Variants in TMEM132D observed in about 807,000 individuals in gnomAD.
TMEM132D encodes the protein mature OL transmembrane protein.
In TMEM132D, 21 loss-of-function variants were observed where a neutral mutation model predicts 62.3. The ratio of observed to expected loss-of-function variants is 0.34; its 90% CI spans 0.24 to 0.49. The LOEUF (loss-of-function observed/expected upper bound fraction) is 0.49. Ranked by LOEUF, TMEM132D falls within the 20% of genes least tolerant of loss-of-function variation. The pLI is 0.99. For synonymous variants in TMEM132D, 621 were observed against 575.6 expected (o/e 1.08, Z -1.13); for missense variants, 1,346 against 1,402.8 (o/e 0.96, Z 0.65).
intron 2 of TMEM132D, among the ~76,000 whole-genome samples, chr12:129,583,993 T>C (rs1877948907): frequency 6.6e-6 from 1 of 152,238 alleles, no homozygotes; most frequent in Non-Finnish European, 1.5e-5. Context: ...TTTTGTTCAA[T>C]AGGAAACAGT....
chr12:129,590,332 A>G (rs1195302338), intron 2 of TMEM132D, among the ~76,000 whole-genome samples: 1 of 152,218 alleles, frequency 6.6e-6, no homozygotes, highest in Non-Finnish European at 1.5e-5. Context: ...CACGGCTGGA[A>G]CAGATCGCTG....
chr12:129,743,865 G>A (rs928851760), intron 1 of TMEM132D, among the ~76,000 whole-genome samples: 1 of 152,150 alleles, frequency 6.6e-6, no homozygotes, highest in Non-Finnish European at 1.5e-5. Context: ...GAAAACAGCA[G>A]GGAAACAGAT....
chr12:129,222,380 A>C (rs10773618), intron 4 of TMEM132D, among the ~76,000 whole-genome samples: 49,217 of 152,114 alleles, frequency 0.32, 8,226 homozygotes, highest in Middle Eastern at 0.43. Context: ...ACGTATCCAC[A>C]CTTCCCTAAC....
intron 3 of TMEM132D, among the ~76,000 whole-genome samples, chr12:129,424,523 A>T (rs1593374241): frequency 1.3e-5 from 2 of 151,826 alleles, no homozygotes. Flanking sequence ...ACATGGTGAA[A>T]CCCCGTCTCT....
At chr12:129,556,907 A>G (rs1293930873) in intron 2 of TMEM132D, among the ~76,000 whole-genome samples, 1 of 152,214 alleles carries the variant, frequency 6.6e-6, no homozygotes, top group African/African-American at 2.4e-5. Context: ...AAAACTTTGT[A>G]TCCCCAGGCA....
At chr12:129,568,616 G>A (rs948993422) in intron 2 of TMEM132D, among the ~76,000 whole-genome samples, 1 of 152,202 alleles carries the variant, frequency 6.6e-6, no homozygotes, top group Non-Finnish European at 1.5e-5. Flanking sequence ...TTCTTAAGAA[G>A]AGTGTTTCTG....
intron 2 of TMEM132D, among the ~76,000 whole-genome samples, chr12:129,561,684 A>C (rs1482998124): frequency 6.6e-6 from 1 of 152,246 alleles, no homozygotes; most frequent in African/African-American, 2.4e-5. Flanking sequence ...CCATGAAAGA[A>C]GATTAAAATT....
At chr12:129,353,370 G>A (rs1869931835) in intron 3 of TMEM132D, among the ~76,000 whole-genome samples, 1 of 152,032 alleles carries the variant, frequency 6.6e-6, no homozygotes, top group African/African-American at 2.4e-5. Flanking sequence ...TGAATAAAGA[G>A]GTGACAAGAA....
chr12:129,182,044 G>A (rs1296034591), intron 5 of TMEM132D, among the ~76,000 whole-genome samples: 1 of 152,100 alleles, frequency 6.6e-6, no homozygotes, highest in Admixed American at 6.6e-5. Context: ...GGGATGAGGG[G>A]TTCATCTGCA....
intron 2 of TMEM132D, among the ~76,000 whole-genome samples, chr12:129,610,010 T>G (rs1189944874): frequency 6.6e-6 from 1 of 152,116 alleles, no homozygotes; most frequent in African/African-American, 2.4e-5. Flanking sequence ...TGGCTCACAC[T>G]TGTAATCCCA....
At chr12:129,127,535 A>G (rs1876250928) in intron 5 of TMEM132D, among the ~76,000 whole-genome samples, 1 of 152,168 alleles carries the variant, frequency 6.6e-6, no homozygotes, top group Admixed American at 6.5e-5. Flanking sequence ...AAAATCTGCC[A>G]TTTAAAAGTC....
At chr12:129,254,627 T>C (rs1880354050) in intron 4 of TMEM132D, among the ~76,000 whole-genome samples, 1 of 152,178 alleles carries the variant, frequency 6.6e-6, no homozygotes, top group Non-Finnish European at 1.5e-5. Flanking sequence ...ATGCTAGGAC[T>C]CAGTGAATGT....
chr12:129,477,702 T>A (rs143665688), intron 3 of TMEM132D, among the ~76,000 whole-genome samples: 1,679 of 152,070 alleles, frequency 0.011, 17 homozygotes, highest in South Asian at 0.042. Flanking sequence ...GCACCTGTAG[T>A]CCCAGCTACT....
chr12:129,513,988 C>A (rs565570514), intron 3 of TMEM132D, among the ~76,000 whole-genome samples: 1 of 151,050 alleles, frequency 6.6e-6, no homozygotes, highest in African/African-American at 2.4e-5. Flanking sequence ...CAGGCGCCCG[C>A]CACCACGCCT....
intron 1 of TMEM132D, among the ~76,000 whole-genome samples, chr12:129,786,646 T>G (rs749353927): frequency 9.2e-5 from 14 of 152,146 alleles, no homozygotes; most frequent in Non-Finnish European, 1.5e-4. Context: ...ACCCCAGCAC[T>G]CTGGGAGGCC....
intron 4 of TMEM132D, among the ~76,000 whole-genome samples, chr12:129,245,074 T>C (rs1880058072): frequency 6.6e-6 from 1 of 152,210 alleles, no homozygotes; most frequent in Non-Finnish European, 1.5e-5. Flanking sequence ...TACTAATAAC[T>C]AGAGTCCATA....
intron 3 of TMEM132D, among the ~76,000 whole-genome samples, chr12:129,477,454 CT>C (rs1285445427): frequency 6.6e-6 from 1 of 152,192 alleles, no homozygotes; most frequent in Non-Finnish European, 1.5e-5. Context: ...GGTCTCCATG[CT>C]CTATTCCAAA....
intron 5 of TMEM132D, among the ~76,000 whole-genome samples, chr12:129,148,510 C>T (rs1029694322): frequency 3.3e-5 from 5 of 152,034 alleles, no homozygotes; most frequent in African/African-American, 1.2e-4. Context: ...AGTGAAGAGC[C>T]TCTGGAAGCT....
At chr12:129,442,468 G>A (rs151113481) in intron 3 of TMEM132D, among the ~76,000 whole-genome samples, 4 of 152,208 alleles carry the variant, frequency 2.6e-5, no homozygotes, top group Admixed American at 6.5e-5. Context: ...CAAGAGTCCC[G>A]ACCTCCTGAG....
Sources: allele counts gnomAD v4.1 joint callset (sites outside exome capture counted in the v4.1 genomes callset), GRCh38; gene constraint gnomAD v4.1.1; transcripts MANE v1.5; gene names NCBI Gene and HGNC (gene_info 2026-07-23, HGNC 2026-07-21).